PIK3CB: variants seen among roughly 807,000 people sequenced by gnomAD.
PIK3CB encodes phosphatidylinositol-4,5-bisphosphate 3-kinase catalytic subunit beta, also known as phosphatidylinositol 4,5-bisphosphate 3-kinase catalytic subunit beta isoform.
PIK3CB carries 39 observed loss-of-function variants against 136.8 expected under a neutral mutation model. That is an observed-to-expected ratio of 0.29 (90% CI 0.22 to 0.37). PIK3CB has a LOEUF of 0.37. Among genes scored for constraint, PIK3CB ranks in the 10% least tolerant of loss-of-function variants. The pLI, the probability that PIK3CB is intolerant of heterozygous loss-of-function variation, is 1.00. For synonymous variants in PIK3CB, 428 were observed against 436.6 expected (o/e 0.98, Z 0.25); for missense variants, 868 against 1,275.4 (o/e 0.68, Z 4.87).
intron 8 of PIK3CB, among the ~76,000 whole-genome samples, chr3:138,730,225 G>A (rs776476732): frequency 5.9e-5 from 9 of 152,104 alleles, no homozygotes; most frequent in South Asian, 4.2e-4. Flanking sequence ...ACATAACAAC[G>A]GCAAACAATA....
chr3:138,795,059 C>T (rs1272435875), intron 2 of PIK3CB, among the ~76,000 whole-genome samples: 1 of 152,040 alleles, frequency 6.6e-6, no homozygotes, highest in Non-Finnish European at 1.5e-5. Context: ...GTGGCTCACG[C>T]CTGTAATCCC....
chr3:138,708,420 C>T (rs1337521451), intron 10 of PIK3CB, among the ~76,000 whole-genome samples: 6 of 151,316 alleles, frequency 4.0e-5, no homozygotes, highest in South Asian at 2.1e-4. Context: ...GCCACCATGC[C>T]CAGCTAATTT....
intron 1 of PIK3CB, among the ~76,000 whole-genome samples, chr3:138,816,958 T>C (rs570399606): frequency 4.1e-4 from 63 of 151,990 alleles, no homozygotes; most frequent in African/African-American, 1.5e-3. Context: ...CCCAGCACTT[T>C]GGGAGGCCAA....
chr3:138,809,149 G>A (rs1157598169), intron 1 of PIK3CB, among the ~76,000 whole-genome samples: 5 of 151,290 alleles, frequency 3.3e-5, no homozygotes, highest in African/African-American at 4.9e-5. Context: ...ATGGTGGCGC[G>A]CACCTGTAAT....
At chr3:138,711,547 C>A (rs574244804) in intron 10 of PIK3CB, among the ~76,000 whole-genome samples, 21 of 143,170 alleles carry the variant, frequency 1.5e-4, no homozygotes, top group Non-Finnish European at 2.7e-4. Context: ...CCATGGCACT[C>A]CAGCCTGGGC....
At chr3:138,772,694 G>C (rs961273680) in intron 2 of PIK3CB, among the ~76,000 whole-genome samples, 1 of 147,712 alleles carries the variant, frequency 6.8e-6, no homozygotes, top group Non-Finnish European at 1.5e-5. Flanking sequence ...GGCTGAGCTT[G>C]AACTCCTGAG....
At position 138,682,060 on chromosome 3, in the gene PIK3CB, A is replaced by G; in HGVS notation, c.2426-15T>C. 6.4e-7 allele frequency: 1 copy of G among 1,560,562 alleles called. No homozygotes were observed. Among genetic ancestry groups the G allele is most frequent in the Non-Finnish European group, 8.8e-7 (1 of 1,135,626 alleles). On this transcript the variant is annotated splice_polypyrimidine_tract_variant and intron_variant, in intron 18 of 23. Coordinates refer to ENST00000674063, the MANE Select transcript of PIK3CB (RefSeq NM_006219.3). ...CTGTCGTAAATCTAAGGGAAAACAA[A>G]CTGCTTCATTACAAGTGCTTTTCCT... is the stretch of plus-strand genomic sequence containing the variant.
At chr3:138,758,136 G>A (rs1186258335) in intron 3 of PIK3CB, among the ~76,000 whole-genome samples, 1 of 152,198 alleles carries the variant, frequency 6.6e-6, no homozygotes, top group Non-Finnish European at 1.5e-5. Flanking sequence ...AAAACACTAT[G>A]CTATGCAAGC....
chr3:138,753,234 A>G (rs1014809961), intron 4 of PIK3CB, among the ~76,000 whole-genome samples: 3 of 151,870 alleles, frequency 2.0e-5, no homozygotes, highest in African/African-American at 7.3e-5. Flanking sequence ...AATAAAAACA[A>G]AAACAGCTGG....
rs1283704394 is a variant in PIK3CB at position 138,742,705 on chromosome 3, T to G, written c.474A>C (p.Glu158Asp). The change falls in exon 5 of 24, where the codon GAA (glutamate) becomes GAC (aspartate). Residue 158 changes from glutamate (E) to aspartate (D), a missense_variant. This residue lies in a region of PIK3CB where 612 missense variants were observed against 801.1 expected (regional missense o/e 0.76). Coordinates refer to ENST00000674063, the MANE Select transcript of PIK3CB (RefSeq NM_006219.3). ...ACAATCCCACAAGTGACAGGATTTT[T>G]TCCTCGCTGAATTTGCGCATTTTTC... is the stretch of plus-strand genomic sequence containing the variant. The part of the protein sequence containing the change: ...FRRKMRKFSE[E>D]KILSLVGLSW... 6.2e-7 allele frequency: 1 copy of G among 1,613,668 alleles called. No homozygotes were observed. Among genetic ancestry groups the G allele is most frequent in the Non-Finnish European group, 8.5e-7 (1 of 1,179,708 alleles).
chr3:138,693,806 G>T (rs1199510716), intron 14 of PIK3CB, among the ~76,000 whole-genome samples: 1 of 151,144 alleles, frequency 6.6e-6, no homozygotes, highest in African/African-American at 2.4e-5. Context: ...ATATGAAACA[G>T]AAAAATGTGA....
At chr3:138,711,044 A>C (rs920549995) in intron 10 of PIK3CB, among the ~76,000 whole-genome samples, 12 of 151,828 alleles carry the variant, frequency 7.9e-5, no homozygotes, top group Non-Finnish European at 1.5e-4. Context: ...ATATCACACC[A>C]CTGCACTCCA....
chr3:138,823,853 G>A (rs2108909457), intron 1 of PIK3CB, among the ~76,000 whole-genome samples: 1 of 152,288 alleles, frequency 6.6e-6, no homozygotes, highest in Middle Eastern at 3.4e-3. Context: ...ATTTAAGCAA[G>A]TAAAGTACAA....
intron 21 of PIK3CB, 29 bp downstream of exon 21, chr3:138,663,877 C>T: frequency 6.2e-7 from 1 of 1,607,822 alleles, no homozygotes; most frequent in Non-Finnish European, 8.5e-7. Context: ...ATTACTAAGG[C>T]CCTTGGCAGA....
intron 1 of PIK3CB, among the ~76,000 whole-genome samples, chr3:138,834,393 C>A (rs932391416): frequency 2.6e-5 from 4 of 152,156 alleles, no homozygotes; most frequent in Non-Finnish European, 5.9e-5. Context: ...CCCTCAGGAA[C>A]GGGACCCAAA....
chr3:138,805,890 G>C (rs550980749), intron 1 of PIK3CB, among the ~76,000 whole-genome samples: 1 of 150,914 alleles, frequency 6.6e-6, no homozygotes, highest in East Asian at 2.1e-4. Flanking sequence ...CCACCATGCC[G>C]GGCTAATTTT....
chr3:138,676,008 C>T (rs1358114488), intron 19 of PIK3CB, among the ~76,000 whole-genome samples: 2 of 152,078 alleles, frequency 1.3e-5, no homozygotes, highest in African/African-American at 4.8e-5. Flanking sequence ...CTACCACACA[C>T]ACTATTTAAA....
chr3:138,775,222 A>C (rs1026269833), intron 2 of PIK3CB, among the ~76,000 whole-genome samples: 6 of 152,364 alleles, frequency 3.9e-5, no homozygotes, highest in Middle Eastern at 3.4e-3. Flanking sequence ...ATGTCATCTC[A>C]GTGCTAGGCC....
At chr3:138,826,111 GC>G in intron 1 of PIK3CB, 1 of 1,033,442 alleles carries the variant, frequency 9.7e-7, no homozygotes. Flanking sequence ...CTGGAAGATG[GC>G]CCTAAATTCT....
Sources: allele counts gnomAD v4.1 joint callset (sites outside exome capture counted in the v4.1 genomes callset), GRCh38; gene constraint gnomAD v4.1.1; regional missense constraint gnomAD v4.1.1; transcripts MANE v1.5; gene names NCBI Gene and HGNC (gene_info 2026-07-23, HGNC 2026-07-21).